The following NRXN1 variants were observed in gnomAD, a reference collection of about 807,000 sequenced individuals.
NRXN1 encodes the protein neurexin-1.
NRXN1 carries 39 observed loss-of-function variants against 150.9 expected under a neutral mutation model. The observed-to-expected ratio is 0.26, with a 90% confidence interval of 0.20 to 0.34. The LOEUF (loss-of-function observed/expected upper bound fraction) is 0.34. Ranked by LOEUF, NRXN1 falls within the 10% of genes least tolerant of loss-of-function variation. NRXN1 has a pLI of 1.00. For missense variants in NRXN1, 1,815 were observed against 1,949.9 expected (o/e 0.93, Z 1.30); for synonymous variants, 924 against 757.0 (o/e 1.22, Z -3.62).
chr2:50,499,088 A>G (rs758087351), intron 13 of NRXN1, among the ~76,000 whole-genome samples: 1 of 152,202 alleles, frequency 6.6e-6, no homozygotes, highest in Non-Finnish European at 1.5e-5. Flanking sequence ...ACAGTAAAAT[A>G]TTAGACAGTG....
chr2:50,450,948 A>C (rs945508250), intron 17 of NRXN1, among the ~76,000 whole-genome samples: 1 of 152,196 alleles, frequency 6.6e-6, no homozygotes, highest in African/African-American at 2.4e-5. Flanking sequence ...GAAACCTGCT[A>C]ACTAGGAGAA....
intron 2 of NRXN1, among the ~76,000 whole-genome samples, chr2:51,011,072 C>G (rs1199022468): frequency 6.6e-6 from 1 of 152,016 alleles, no homozygotes; most frequent in Non-Finnish European, 1.5e-5. Flanking sequence ...CCCTGCCCAG[C>G]CTGATGGCGC....
chr2:50,460,829 G>C (rs1290619788), intron 17 of NRXN1, among the ~76,000 whole-genome samples: 6 of 151,904 alleles, frequency 3.9e-5, no homozygotes, highest in African/African-American at 1.5e-4. Flanking sequence ...AACAGCTTAA[G>C]GGCTTCCACT....
intron 18 of NRXN1, among the ~76,000 whole-genome samples, chr2:50,204,831 A>T (rs1345991575): frequency 1.3e-5 from 2 of 152,062 alleles, no homozygotes; most frequent in African/African-American, 4.8e-5. Flanking sequence ...TACCAAAAAA[A>T]ATCTGGATTA....
chr2:50,946,029 T>C (rs1174344027), intron 2 of NRXN1, among the ~76,000 whole-genome samples: 2 of 151,618 alleles, frequency 1.3e-5, no homozygotes, highest in African/African-American at 2.4e-5. Flanking sequence ...GGAATGACCA[T>C]AGAGGATACA....
chr2:50,436,175 T>C (rs13407788), intron 17 of NRXN1, among the ~76,000 whole-genome samples: 49,317 of 152,092 alleles, frequency 0.32, 8,553 homozygotes, highest in African/African-American at 0.43. Flanking sequence ...AACACAAGGC[T>C]GGGCATGGTA....
intron 2 of NRXN1, among the ~76,000 whole-genome samples, chr2:50,926,953 C>T (rs911718838): frequency 1.3e-5 from 2 of 151,772 alleles, no homozygotes; most frequent in African/African-American, 2.4e-5. Context: ...ATTTGAGACT[C>T]GGGGCCTGCA....
chr2:50,947,765 A>G (rs1178943921), intron 2 of NRXN1, among the ~76,000 whole-genome samples: 1 of 152,038 alleles, frequency 6.6e-6, no homozygotes, highest in Non-Finnish European at 1.5e-5. Context: ...TGTTAAAGCT[A>G]CGAAGGGTTT....
intron 21 of NRXN1, among the ~76,000 whole-genome samples, chr2:49,990,492 T>C (rs779583350): frequency 6.6e-5 from 10 of 152,182 alleles, no homozygotes; most frequent in Non-Finnish European, 1.3e-4. Context: ...ATTTAAAAGA[T>C]CATCCTGTAT....
intron 18 of NRXN1, among the ~76,000 whole-genome samples, chr2:50,124,146 G>T (rs886319573): frequency 1.3e-5 from 2 of 152,106 alleles, no homozygotes; most frequent in African/African-American, 4.8e-5. Context: ...TATAGCTCTA[G>T]AAGTCAAGTG....
intron 5 of NRXN1, among the ~76,000 whole-genome samples, chr2:50,656,798 C>T (rs1470021714): frequency 1.3e-5 from 2 of 151,434 alleles, no homozygotes; most frequent in African/African-American, 2.4e-5. Context: ...ATGTCATTCA[C>T]ACTAGAGACA....
intron 5 of NRXN1, among the ~76,000 whole-genome samples, chr2:50,811,382 G>A (rs1283869613): frequency 6.6e-6 from 1 of 152,154 alleles, no homozygotes; most frequent in Non-Finnish European, 1.5e-5. Context: ...TAGAACACAT[G>A]GCTGTTTTCC....
In NRXN1 at chr2:50,610,294, T is replaced by A. The variant is rs370142142; in HGVS notation, c.1320+9728A>T. Among the ~76,000 whole-genome samples the A allele has an allele frequency of 3.4e-4, 52 of 152,174 alleles. 1 individual carries two copies. Among genetic ancestry groups the A allele is most frequent in the African/African-American group, 1.2e-3 (49 of 41,548 alleles). On this transcript the variant is annotated intron_variant, in intron 8 of 22. Coordinates refer to ENST00000401669, the MANE Select transcript of NRXN1 (RefSeq NM_001330078.2). ...TTTTTCTTAGCAATGTGTTTTCTGA[T>A]CCTTCATCTCATTTTATCTTTCCTA...
intron 5 of NRXN1, among the ~76,000 whole-genome samples, chr2:50,703,819 T>C (rs1300834490): frequency 6.6e-6 from 1 of 152,144 alleles, no homozygotes; most frequent in African/African-American, 2.4e-5. Context: ...AGATTCATTA[T>C]ACTAACTCAT....
At chr2:50,894,688 T>C (rs142498432) in intron 5 of NRXN1, among the ~76,000 whole-genome samples, 2 of 152,268 alleles carry the variant, frequency 1.3e-5, no homozygotes, top group African/African-American at 4.8e-5. Context: ...TGTGGTTATA[T>C]AATTTATATG....
intron 18 of NRXN1, among the ~76,000 whole-genome samples, chr2:50,218,813 T>C (rs1213561940): frequency 6.6e-6 from 1 of 151,972 alleles, no homozygotes; most frequent in Admixed American, 6.6e-5. Flanking sequence ...TTGTACCCAG[T>C]GACATTTTAG....
At chr2:50,441,977 T>A (rs986768504) in intron 17 of NRXN1, among the ~76,000 whole-genome samples, 2 of 152,182 alleles carry the variant, frequency 1.3e-5, no homozygotes, top group African/African-American at 2.4e-5. Flanking sequence ...CAGAGTTGGA[T>A]CAGCATCCAC....
rs187685513 is a variant in NRXN1, at chr2:50,885,654, A to T, written c.832+36215T>A. ...GTCATACATATTTACTGAAGCCAGC[A>T]GAGAGCATCATTAAAAATTCCCATG... On this transcript the variant is annotated intron_variant, in intron 5 of 22. Transcript: ENST00000401669. 3.4e-3 allele frequency among the ~76,000 whole-genome samples: 522 copies of T among 151,608 alleles called. 4 individuals carry two copies. The highest frequency in any genetic ancestry group is 0.011 in the African/African-American group (476 of 41,482).
At chr2:50,157,935 A>C (rs2059124800) in intron 18 of NRXN1, among the ~76,000 whole-genome samples, 1 of 151,646 alleles carries the variant, frequency 6.6e-6, no homozygotes, top group Non-Finnish European at 1.5e-5. Flanking sequence ...TTTAGGAGTA[A>C]TCCCCCGAGA....
Sources: gnomAD v4.1 joint callset for allele counts (sites outside exome capture counted in the v4.1 genomes callset) on GRCh38, gnomAD v4.1.1 for gene constraint, MANE v1.5 for transcripts, NCBI Gene and HGNC (gene_info 2026-07-23, HGNC 2026-07-21) for gene names.